Variants in GABRA6 observed in about 807,000 individuals in gnomAD.
GABRA6 encodes gamma-aminobutyric acid receptor subunit alpha-6.
In GABRA6, 45 loss-of-function variants were observed where a neutral mutation model predicts 47.3. The observed-to-expected ratio is 0.95, with a 90% CI of 0.75 to 1.22. The LOEUF is 1.22. Ranked by LOEUF, GABRA6 falls within the 50% of genes most tolerant of loss-of-function variation. The probability of loss-of-function intolerance (pLI) is 0.00; values close to 1 mark genes in which losing one functional copy is unlikely to be tolerated. For missense variants in GABRA6, 583 were observed against 549.3 expected (o/e 1.06, Z -0.61); for synonymous variants, 219 against 194.7 (o/e 1.12, Z -1.04).
intron 7 of GABRA6, among the ~76,000 whole-genome samples, chr5:161,691,277 CT>C (rs1200706443): frequency 9.8e-6 from 1 of 101,748 alleles, no homozygotes; most frequent in Non-Finnish European, 2.2e-5. Flanking sequence ...AGTTTTTTTT[CT>C]TTTTCTTTCC....
chr5:161,692,118 C>A lies in GABRA6; in HGVS notation c.1004C>A (p.Ala335Asp). 6.2e-7 allele frequency: 1 copy of A among 1,613,962 alleles called. No individual in the cohort carries two copies. ...NYFTNLQTQK[A>D]KRKAQFAAPP... is the part of the protein sequence containing the mutation. The stretch of plus-strand genomic sequence containing the variant: ...TTTACCAATCTTCAGACACAGAAGG[C>A]CAAAAGGAAGGCACAGTTTGCAGCC... Residue 335 changes from alanine to aspartate, a missense_variant, in exon 8 of 9, where the codon GCC becomes GAC. Ala to Asp is a moderately radical substitution (Grantham distance 126). Coordinates refer to ENST00000274545, the MANE Select transcript of GABRA6 (RefSeq NM_000811.3).
intron 8 of GABRA6, among the ~76,000 whole-genome samples, chr5:161,692,786 G>A (rs1042032765): frequency 1.3e-5 from 2 of 152,108 alleles, no homozygotes; most frequent in African/African-American, 2.4e-5. Flanking sequence ...AATGGCTTAC[G>A]TTCAGTGAGA....
At chr5:161,689,878 A>C in intron 6 of GABRA6, 99 bp downstream of exon 6, 3 of 1,287,288 alleles carry the variant, frequency 2.3e-6, no homozygotes, top group Non-Finnish European at 3.4e-6. Flanking sequence ...AGCCATTCTC[A>C]GCTAAGCATG....
chr5:161,688,629 C>G (rs1164454634), intron 3 of GABRA6, among the ~76,000 whole-genome samples: 1 of 151,916 alleles, frequency 6.6e-6, no homozygotes, highest in Non-Finnish European at 1.5e-5. Context: ...CTAAATATTT[C>G]CATATTTTTT....
intron 8 of GABRA6, among the ~76,000 whole-genome samples, chr5:161,701,245 T>C (rs964493126): frequency 2.0e-5 from 3 of 152,204 alleles, no homozygotes; most frequent in Non-Finnish European, 2.9e-5. Flanking sequence ...ACATGAAACA[T>C]GCTTTGTGTT....
chr5:161,688,920 G>A (rs1386349215), intron 3 of GABRA6, 29 bp from the exon 4 acceptor site: 2 of 1,572,512 alleles, frequency 1.3e-6, no homozygotes, highest in South Asian at 1.1e-5. Context: ...TATCTTTCCA[G>A]CCCACACAAA....
intron 8 of GABRA6, among the ~76,000 whole-genome samples, chr5:161,697,712 A>G (rs924657097): frequency 6.6e-6 from 1 of 152,182 alleles, no homozygotes; most frequent in Non-Finnish European, 1.5e-5. Context: ...GATTGGCCCC[A>G]AAAGATCAGT....
chr5:161,687,584 A>T (rs1035008011), intron 3 of GABRA6: 1 of 452,830 alleles, frequency 2.2e-6, no homozygotes, highest in Admixed American at 2.4e-5. Flanking sequence ...GAAAACTTGA[A>T]CTCATCTTTT....
rs893680775 is a variant in GABRA6, at chr5:161,686,423, G to A, written c.157+75G>A. On this transcript the variant is annotated intron_variant, in intron 2 of 8. Transcript: ENST00000274545. ...GTTTCTGCCCTTTGAAGACCCAGAA[G>A]AGTCAGAAACTAGGTAGTGGGAAGG... 4.3e-6 allele frequency: 5 copies of A among 1,165,596 alleles called. No homozygotes were observed. The South Asian group carries it at 4.9e-5, about 11-fold the overall frequency. 72.2% of individuals were successfully genotyped at this position (1,165,596 alleles called of 1,614,324 possible). A position where few individuals can be genotyped will look rare whatever the true frequency, so the allele number is the denominator to read the frequency against.
intron 8 of GABRA6, among the ~76,000 whole-genome samples, chr5:161,701,114 C>G (rs974656199): frequency 1.3e-5 from 2 of 152,152 alleles, no homozygotes; most frequent in African/African-American, 4.8e-5. Context: ...CACCCCTCCT[C>G]CCAATACACA....
At chr5:161,696,701 G>A (rs934265652) in intron 8 of GABRA6, among the ~76,000 whole-genome samples, 1 of 152,126 alleles carries the variant, frequency 6.6e-6, no homozygotes, top group Non-Finnish European at 1.5e-5. Context: ...AATAAGCTGT[G>A]TGTCTGTAGA....
chr5:161,686,196 C>T (rs1754687301), intron 1 of GABRA6, 34 bp from the exon 2 acceptor site: 2 of 1,530,380 alleles, frequency 1.3e-6, no homozygotes, highest in Non-Finnish European at 1.8e-6. Context: ...TTCTCTGAGC[C>T]TGGGAGTAAG....
chr5:161,701,763 G>C lies in GABRA6; in HGVS notation c.1352G>C (p.Ser451Thr). 6.2e-7 allele frequency: 1 copy of C among 1,614,148 alleles called. No homozygotes were observed. Among genetic ancestry groups the C allele is most frequent in the Non-Finnish European group, 8.5e-7 (1 of 1,179,974 alleles). The change falls in exon 9 of 9, where the codon AGT (serine) becomes ACT (threonine). Residue 451 changes from serine to threonine, a missense_variant. Physicochemically the swap from Ser to Thr is moderately conservative, Grantham distance 58. Transcript: ENST00000274545. ...LSKDTMEVSS[S>T]VE ...AAAGATACAATGGAAGTCAGTAGCA[G>C]TGTTGAATAGCTTGCGGCCAGGACA... is the stretch of plus-strand genomic sequence containing the variant.
Position 161,685,931 on chromosome 5 carries a change from C to T in GABRA6, c.-59C>T. The T allele has an allele frequency of 4.4e-6, 6 of 1,371,750 alleles. No homozygotes were observed. Among genetic ancestry groups the T allele is most frequent in the Non-Finnish European group, 6.3e-6 (6 of 957,564 alleles). 85.0% of individuals were successfully genotyped at this position (1,371,750 alleles called of 1,614,324 possible). A position where few individuals can be genotyped will look rare whatever the true frequency, so the allele number is the denominator to read the frequency against. On this transcript the variant is annotated 5_prime_UTR_variant, in exon 1 of 9. Coordinates refer to ENST00000274545, the MANE Select transcript of GABRA6 (RefSeq NM_000811.3). ...TCTCCAGTTGATTGGCAGAGAAGAG[C>T]TGGCTAGCAGGGAGGACGACCCTAG...
Position 161,701,646 on chromosome 5 carries a change from G to A in GABRA6, c.1235G>A (p.Gly412Glu). 6.2e-7 allele frequency: 1 copy of A among 1,614,136 alleles called. No individual in the cohort carries two copies. Among genetic ancestry groups the A allele is most frequent in the Non-Finnish European group, 8.5e-7 (1 of 1,180,026 alleles). The change falls in exon 9 of 9, where the codon GGA becomes GAA. Residue 412 changes from glycine (G) to glutamate (E), a missense_variant. Coordinates refer to ENST00000274545, the MANE Select transcript of GABRA6 (RefSeq NM_000811.3). Reference protein sequence around the residue: ...VTPPPLSPAFGGTSKIDQYSR... With the variant: ...VTPPPLSPAFEGTSKIDQYSR... ...CCCCCACCACTCTCGCCAGCCTTTG[G>A]AGGCACCAGTAAAATAGACCAGTAT...
intron 7 of GABRA6, among the ~76,000 whole-genome samples, chr5:161,691,591 C>A (rs1158883585): frequency 2.6e-5 from 4 of 151,822 alleles, no homozygotes; most frequent in African/African-American, 9.7e-5. Flanking sequence ...TGAACCACCG[C>A]GCCCGGCCTC....
At chr5:161,686,469 C>T (rs900133968) in intron 2 of GABRA6, 121 bp downstream of exon 2, 25 of 803,040 alleles carry the variant, frequency 3.1e-5, no homozygotes, top group Non-Finnish European at 5.3e-5. Flanking sequence ...GGGAGAGAGA[C>T]CATGGGTATG....
chr5:161,688,951 G>A lies in GABRA6; in HGVS notation c.228G>A (p.Glu76=). The change falls in exon 4 of 9, where the codon GAG becomes GAA. Residue 76 remains glutamate, a splice_region_variant and synonymous_variant. Coordinates refer to ENST00000274545, the MANE Select transcript of GABRA6 (RefSeq NM_000811.3). The stretch of plus-strand genomic sequence containing the variant: ...ACAAATATTTTATTTTCTCTTAGGA[G>A]TATACGATGGATGTTTTTTTCCGCC... ...SFGPVSDVEM[E]YTMDVFFRQT... is the part of the protein sequence containing the mutation. The A allele has an allele frequency of 1.2e-6, 2 of 1,611,926 alleles. No individual in the cohort carries two copies. Among genetic ancestry groups the A allele is most frequent in the Non-Finnish European group, 1.7e-6 (2 of 1,178,306 alleles).
At chr5:161,698,563 T>A (rs1233766082) in intron 8 of GABRA6, among the ~76,000 whole-genome samples, 1 of 152,096 alleles carries the variant, frequency 6.6e-6, no homozygotes. Context: ...CACATATATA[T>A]GTTTGTGTAT....
Sources: gnomAD v4.1 joint callset for allele counts (sites outside exome capture counted in the v4.1 genomes callset) on GRCh38, gnomAD v4.1.1 for gene constraint, MANE v1.5 for transcripts, NCBI Gene and HGNC (gene_info 2026-07-23, HGNC 2026-07-21) for gene names.